Variants in DOCK4 observed in about 807,000 individuals in gnomAD.
DOCK4 encodes dedicator of cytokinesis 4, also known as dedicator of cytokinesis protein 4.
DOCK4 carries 97 observed loss-of-function variants against 268.1 expected under a neutral mutation model. The ratio of observed to expected loss-of-function variants is 0.36; its 90% CI spans 0.31 to 0.43. DOCK4 has a LOEUF of 0.43. Among genes scored for constraint, DOCK4 ranks in the 20% least tolerant of loss-of-function variants. The pLI is 1.00. For synonymous variants in DOCK4, 954 were observed against 887.2 expected, an observed-to-expected ratio of 1.08 and a Z score of -1.34; for missense variants, 2,145 against 2,455.7, an observed-to-expected ratio of 0.87 and a Z score of 2.67.
rs151114168 is a variant in DOCK4 at position 111,901,498 on chromosome 7, G to A, written c.1317+179C>T. On this transcript the variant is annotated intron_variant, in intron 14 of 52. Transcript: ENST00000428084. ...GCTCTCTTTTCTGAAAGGAATTTTA[G>A]TGAATTAAAAAACAAAAGAAAGAAA... Among the ~76,000 whole-genome samples, 933 of 152,064 alleles carry A rather than the reference G, an allele frequency of 6.1e-3. 17 individuals are homozygous for A. The highest frequency in any genetic ancestry group is 0.023 in the South Asian group (109 of 4,812).
chr7:112,082,519 C>G (rs1808689342), intron 1 of DOCK4, among the ~76,000 whole-genome samples: 1 of 152,098 alleles, frequency 6.6e-6, no homozygotes, highest in Non-Finnish European at 1.5e-5. Context: ...GATTTCCCAG[C>G]AAATCAAATA....
At chr7:112,013,778 A>G (rs1801566061) in intron 1 of DOCK4, among the ~76,000 whole-genome samples, 1 of 151,846 alleles carries the variant, frequency 6.6e-6, no homozygotes, top group Admixed American at 6.5e-5. Flanking sequence ...ATCCTCAAGG[A>G]AGGCTTAGTC....
At chr7:112,092,058 C>T (rs1469861792) in intron 1 of DOCK4, among the ~76,000 whole-genome samples, 2 of 152,122 alleles carry the variant, frequency 1.3e-5, no homozygotes, top group Admixed American at 6.6e-5. Context: ...TGTGTGTCAG[C>T]GTTAACAAAC....
At chr7:112,138,441 T>A (rs1814567805) in intron 1 of DOCK4, among the ~76,000 whole-genome samples, 1 of 152,142 alleles carries the variant, frequency 6.6e-6, no homozygotes, top group Admixed American at 6.5e-5. Flanking sequence ...TAGGTTACAG[T>A]CTCTCAGATA....
chr7:111,962,693 T>A (rs556664655), intron 8 of DOCK4, among the ~76,000 whole-genome samples: 2 of 152,216 alleles, frequency 1.3e-5, no homozygotes, highest in Admixed American at 1.3e-4. Flanking sequence ...TTTTCTTAAA[T>A]GATAGAATGG....
Position 111,869,653 on chromosome 7 carries a change from T to C in DOCK4, c.2030A>G (p.Asp677Gly). ...SHFAGALAYR[D>G]LIKVLKWYVD... Reference sequence around the variant, plus strand: ...GTACCATTTGAGCACTTTGATGAGATCTCTAAAATACAGGGGAAAATGTGC... The same window carrying C: ...GTACCATTTGAGCACTTTGATGAGACCTCTAAAATACAGGGGAAAATGTGC... Residue 677 changes from aspartate to glycine, a missense_variant and splice_region_variant, in exon 21 of 53, where the codon GAT (aspartate) becomes GGT (glycine). By Grantham distance (94) the Asp-to-Gly change is moderately conservative. Transcript: ENST00000428084. The C allele has an allele frequency of 1.2e-6, 2 of 1,612,850 alleles. No homozygotes were observed. The highest frequency in any genetic ancestry group is 1.1e-5 in the South Asian group (1 of 91,072).
At chr7:111,985,375 C>G (rs945223113) in intron 6 of DOCK4, among the ~76,000 whole-genome samples, 8 of 152,216 alleles carry the variant, frequency 5.3e-5, no homozygotes, top group Admixed American at 3.3e-4. Context: ...CTGAGGATCA[C>G]TTGTTCTAAA....
At chr7:111,826,544 T>C (rs1586104043) in intron 26 of DOCK4, among the ~76,000 whole-genome samples, 1 of 152,144 alleles carries the variant, frequency 6.6e-6, no homozygotes. Flanking sequence ...TGGAATACTA[T>C]GCAGCCACAA....
Position 112,059,134 on chromosome 7 carries a change from C to CTTTTTTTTTTTT in DOCK4, c.38-55015_38-55004dup, listed in dbSNP as rs572050793. On this transcript the variant is annotated intron_variant, in intron 1 of 52. Coordinates refer to ENST00000428084, the MANE Select transcript of DOCK4 (RefSeq NM_001363540.2). ...TCATAAAATTATACTGCAGCATTTC[C>CTTTTTTTTTTTT]TTTTTTTTTTTTTTTTTTTTTTTTT... Among the ~76,000 whole-genome samples, 3 of 99,000 alleles carry CTTTTTTTTTTTT rather than the reference C, an allele frequency of 3.0e-5. 1 individual carries two copies. The highest frequency in any genetic ancestry group is 1.5e-4 in the African/African-American group (3 of 20,010). 64.9% of individuals were successfully genotyped at this position (99,000 alleles called of 152,430 possible).
At chr7:112,099,976 G>T in intron 1 of DOCK4, among the ~76,000 whole-genome samples, 1 of 152,202 alleles carries the variant, frequency 6.6e-6, no homozygotes, top group South Asian at 2.1e-4. Flanking sequence ...CTCACAAATA[G>T]TATTTTATCC....
chr7:111,984,909 G>T (rs1187041061), intron 6 of DOCK4, among the ~76,000 whole-genome samples: 2 of 152,228 alleles, frequency 1.3e-5, no homozygotes, highest in African/African-American at 4.8e-5. Flanking sequence ...TCTGAGGTCA[G>T]TCGTTAGGAG....
chr7:111,974,501 TG>T (rs1408782096), intron 8 of DOCK4, among the ~76,000 whole-genome samples: 5 of 97,978 alleles, frequency 5.1e-5, no homozygotes, highest in African/African-American at 2.6e-4. Context: ...GATGTGTGTG[TG>T]TGTGTGTGTG....
chr7:112,186,319 A>G (rs868019341), intron 1 of DOCK4, among the ~76,000 whole-genome samples: 1 of 152,208 alleles, frequency 6.6e-6, no homozygotes, highest in South Asian at 2.1e-4. Context: ...TAATGAAGAC[A>G]TGACTGGGAA....
At chr7:112,106,467 A>G (rs1234504184) in intron 1 of DOCK4, among the ~76,000 whole-genome samples, 1 of 152,238 alleles carries the variant, frequency 6.6e-6, no homozygotes, top group African/African-American at 2.4e-5. Context: ...AGCATGCAGC[A>G]AAGACTCTGC....
intron 13 of DOCK4, among the ~76,000 whole-genome samples, chr7:111,909,285 A>G (rs967411690): frequency 3.3e-5 from 5 of 152,152 alleles, no homozygotes; most frequent in African/African-American, 4.8e-5. Context: ...CTTTTTTACT[A>G]TGTTTCTTGG....
At chr7:112,165,491 G>A (rs939836179) in intron 1 of DOCK4, among the ~76,000 whole-genome samples, 3 of 149,848 alleles carry the variant, frequency 2.0e-5, no homozygotes, top group African/African-American at 7.3e-5. Flanking sequence ...CAAATGATAT[G>A]ATTTCATTGT....
intron 8 of DOCK4, among the ~76,000 whole-genome samples, chr7:111,964,167 G>A (rs1161724043): frequency 6.9e-6 from 1 of 145,276 alleles, no homozygotes; most frequent in Non-Finnish European, 1.5e-5. Flanking sequence ...TCCTCCAAAG[G>A]AAAGCAGTTC....
intron 8 of DOCK4, among the ~76,000 whole-genome samples, chr7:111,976,179 C>CATAT (rs1174336599): frequency 2.9e-4 from 12 of 41,994 alleles, no homozygotes; most frequent in Non-Finnish European, 4.7e-4. Flanking sequence ...TATATATATA[C>CATAT]ACACACACAC....
At chr7:111,985,045 C>T (rs1798944749) in intron 6 of DOCK4, among the ~76,000 whole-genome samples, 1 of 152,102 alleles carries the variant, frequency 6.6e-6, no homozygotes, top group South Asian at 2.1e-4. Context: ...GAGAAGTATT[C>T]TAAGGTTATA....
Sources: allele counts gnomAD v4.1 joint callset (sites outside exome capture counted in the v4.1 genomes callset), GRCh38; gene constraint gnomAD v4.1.1; transcripts MANE v1.5; gene names NCBI Gene and HGNC (gene_info 2026-07-23, HGNC 2026-07-21).